The following CHRM3 variants were observed in gnomAD, a reference collection of about 807,000 sequenced individuals.
CHRM3 encodes the protein cholinergic receptor muscarinic 3, also known as muscarinic acetylcholine receptor M3.
In CHRM3, 11 loss-of-function variants were observed where a neutral mutation model predicts 41.8. The observed-to-expected ratio is 0.26, with a 90% confidence interval of 0.17 to 0.44. The LOEUF is 0.44. CHRM3 is among the 20% of genes least tolerant of loss of function. CHRM3 has a pLI of 1.00. For missense variants in CHRM3, 571 were observed against 745.4 expected (o/e 0.77, Z 2.72); for synonymous variants, 297 against 301.4 (o/e 0.99, Z 0.15).
At chr1:239,498,941 G>C (rs1668049789) in intron 2 of CHRM3, among the ~76,000 whole-genome samples, 1 of 152,076 alleles carries the variant, frequency 6.6e-6, no homozygotes, top group African/African-American at 2.4e-5. Flanking sequence ...TATTTAGCGT[G>C]CTTCCTTATA....
At chr1:239,613,732 C>G (rs534894407) in intron 3 of CHRM3, among the ~76,000 whole-genome samples, 1 of 152,294 alleles carries the variant, frequency 6.6e-6, no homozygotes, top group South Asian at 2.1e-4. Context: ...GTTTCTTATT[C>G]TATTTATCTG....
intron 5 of CHRM3, among the ~76,000 whole-genome samples, chr1:239,724,336 A>G (rs1663240855): frequency 6.6e-6 from 1 of 151,992 alleles, no homozygotes; most frequent in African/African-American, 2.4e-5. Context: ...ATATTGGCAA[A>G]GTGATAATAT....
chr1:239,527,333 G>A (rs1347183618), intron 2 of CHRM3, among the ~76,000 whole-genome samples: 1 of 151,692 alleles, frequency 6.6e-6, no homozygotes. Context: ...CAGAGCCTGA[G>A]CTGTTGACCA....
intron 1 of CHRM3, among the ~76,000 whole-genome samples, chr1:239,445,825 A>G (rs1282883620): frequency 1.3e-5 from 2 of 152,226 alleles, no homozygotes; most frequent in African/African-American, 4.8e-5. Context: ...GATAAAAGAC[A>G]TAGAATTTGC....
In CHRM3 at chr1:239,508,330, A is replaced by G. The variant is rs76628133; in HGVS notation, c.-422+15523A>G. On this transcript the variant is annotated intron_variant, in intron 2 of 6. Coordinates refer to ENST00000676153, the MANE Select transcript of CHRM3 (RefSeq NM_001375978.1). Reference sequence around the variant, plus strand: ...GTATTTTCCAGAATTTGGGTAAATTATCATGAATGTCAGAAGTTCTCATTA... The same window carrying G: ...GTATTTTCCAGAATTTGGGTAAATTGTCATGAATGTCAGAAGTTCTCATTA... Among the ~76,000 whole-genome samples the G allele has an allele frequency of 3.2e-3, 490 of 152,328 alleles. 2 individuals are homozygous for G. The highest frequency in any genetic ancestry group is 0.011 in the African/African-American group (464 of 41,572).
At chr1:239,665,868 T>C (rs1363628579) in intron 4 of CHRM3, among the ~76,000 whole-genome samples, 1 of 152,202 alleles carries the variant, frequency 6.6e-6, no homozygotes, top group African/African-American at 2.4e-5. Flanking sequence ...TATGGTTGCA[T>C]AGTATTACAC....
chr1:239,780,455 T>G (rs1668428222), intron 5 of CHRM3, among the ~76,000 whole-genome samples: 1 of 152,192 alleles, frequency 6.6e-6, no homozygotes, highest in Non-Finnish European at 1.5e-5. Context: ...GCTTTGACCA[T>G]TTTTTAATCA....
At chr1:239,853,876 C>T (rs1351668162) in intron 6 of CHRM3, among the ~76,000 whole-genome samples, 5 of 151,986 alleles carry the variant, frequency 3.3e-5, no homozygotes, top group African/African-American at 9.7e-5. Context: ...CTATCCTTTT[C>T]GTAGTATAAA....
intron 6 of CHRM3, among the ~76,000 whole-genome samples, chr1:239,854,033 A>G (rs1674908283): frequency 6.6e-6 from 1 of 152,120 alleles, no homozygotes; most frequent in African/African-American, 2.4e-5. Flanking sequence ...TTTTACCTAC[A>G]TCATAGCTTT....
rs537572404 is a variant in CHRM3, at chr1:239,565,609, CAT to C, written c.-313+19863_-313+19864del. Among the ~76,000 whole-genome samples the C allele has an allele frequency of 8.4e-4, 128 of 152,264 alleles. 1 individual carries two copies. Among genetic ancestry groups the C allele is most frequent in the Admixed American group, 1.9e-3 (29 of 15,292 alleles). Reference sequence around the variant, plus strand: ...GAATTTATTTTTTAAGATTTATTGACATATTTTACTTAAATTGTCCTTGTGAT... The same window carrying C: ...GAATTTATTTTTTAAGATTTATTGACATTTTACTTAAATTGTCCTTGTGAT... On this transcript the variant is annotated intron_variant, in intron 3 of 6. Coordinates refer to ENST00000676153, the MANE Select transcript of CHRM3 (RefSeq NM_001375978.1).
At chr1:239,753,712 A>G (rs1232582611) in intron 5 of CHRM3, among the ~76,000 whole-genome samples, 1 of 152,180 alleles carries the variant, frequency 6.6e-6, no homozygotes, top group Non-Finnish European at 1.5e-5. Flanking sequence ...CCGAATGCAG[A>G]AGTCTTAGCA....
intron 1 of CHRM3, among the ~76,000 whole-genome samples, chr1:239,418,898 T>A (rs891552741): frequency 1.3e-5 from 2 of 152,118 alleles, no homozygotes; most frequent in African/African-American, 4.8e-5. Context: ...GTGACCTCAT[T>A]CTTTGAACAG....
chr1:239,637,685 C>T (rs928341821), intron 4 of CHRM3, among the ~76,000 whole-genome samples: 49 of 149,632 alleles, frequency 3.3e-4, no homozygotes, highest in Non-Finnish European at 6.2e-4. Flanking sequence ...CAGCACCTGA[C>T]TGCTCCTGTG....
Position 239,913,734 on chromosome 1 carries a change from A to G in CHRM3, c.*4510A>G, listed in dbSNP as rs1176570524. On this transcript the variant is annotated 3_prime_UTR_variant, in exon 7 of 7. Coordinates refer to ENST00000676153, the MANE Select transcript of CHRM3 (RefSeq NM_001375978.1). ...AGAAGATCTAGTTCATAAAATGACTATACCCCACGTAAGTTTGTAACTGCA... is the reference window on the plus strand; with the variant it reads ...AGAAGATCTAGTTCATAAAATGACTGTACCCCACGTAAGTTTGTAACTGCA... 1 of 167,102 alleles carries G rather than the reference A, an allele frequency of 6.0e-6. No homozygotes were observed. Among genetic ancestry groups the G allele is most frequent in the African/African-American group, 2.4e-5 (1 of 41,478 alleles). 10.4% of individuals were successfully genotyped at this position (167,102 alleles called of 1,614,324 possible).
intron 5 of CHRM3, among the ~76,000 whole-genome samples, chr1:239,698,281 CT>C (rs1660378434): frequency 6.6e-6 from 1 of 152,124 alleles, no homozygotes; most frequent in Non-Finnish European, 1.5e-5. Flanking sequence ...CTCCTATTTC[CT>C]TCTCAAAGGT....
At chr1:239,410,989 G>A (rs1248087838) in intron 1 of CHRM3, among the ~76,000 whole-genome samples, 1 of 152,164 alleles carries the variant, frequency 6.6e-6, no homozygotes, top group Non-Finnish European at 1.5e-5. Flanking sequence ...CACCACTGAA[G>A]TATGGTTGAG....
At chr1:239,516,075 G>C (rs999871452) in intron 2 of CHRM3, among the ~76,000 whole-genome samples, 1 of 151,950 alleles carries the variant, frequency 6.6e-6, no homozygotes, top group Non-Finnish European at 1.5e-5. Context: ...CTCTCATCTA[G>C]ATTGCCAGAA....
At chr1:239,850,616 T>TGG (rs1558178288) in intron 6 of CHRM3, among the ~76,000 whole-genome samples, 3 of 152,054 alleles carry the variant, frequency 2.0e-5, no homozygotes, top group African/African-American at 4.8e-5. Context: ...CCAAATCTCA[T>TGG]CTTGAATCGT....
intron 1 of CHRM3, among the ~76,000 whole-genome samples, chr1:239,445,692 C>G (rs889093357): frequency 4.6e-5 from 7 of 151,990 alleles, no homozygotes; most frequent in Non-Finnish European, 1.0e-4. Context: ...GTGGTTAGAG[C>G]CCTGTTTCAA....
Sources: allele counts gnomAD v4.1 joint callset (sites outside exome capture counted in the v4.1 genomes callset), GRCh38; gene constraint gnomAD v4.1.1; transcripts MANE v1.5; gene names NCBI Gene and HGNC (gene_info 2026-07-23, HGNC 2026-07-21).